Variants in MTR observed in about 807,000 individuals in gnomAD.
MTR encodes the protein 5-methyltetrahydrofolate-homocysteine methyltransferase, also known as methionine synthase.
In MTR, 84 loss-of-function variants were observed where a neutral mutation model predicts 154.8. The ratio of observed to expected loss-of-function variants is 0.54; its 90% CI spans 0.45 to 0.65. MTR has a LOEUF of 0.65. Ranked by LOEUF, MTR falls within the 30% of genes least tolerant of loss-of-function variation. The pLI, the probability that MTR is intolerant of heterozygous loss-of-function variation, is 0.00. For missense variants in MTR, 1,275 were observed against 1,570.2 expected (o/e 0.81, Z 3.18); for synonymous variants, 554 against 553.9 (o/e 1.00, Z 0.00).
Position 236,819,160 on chromosome 1 carries a change from A to G in MTR, c.764+2617A>G, listed in dbSNP as rs547835897. ...TTAGGGTTCATTCTTGGTTTTGTAT[A>G]TTCTGTGGGTTTTGACAAATATATC... On this transcript the variant is annotated intron_variant, in intron 8 of 32. Transcript: ENST00000366577. Among the ~76,000 whole-genome samples, 11 of 152,284 alleles carry G rather than the reference A, an allele frequency of 7.2e-5. No individual in the cohort carries two copies. The East Asian group carries it at 2.1e-3, about 29-fold the overall frequency.
At chr1:236,880,116 G>A (rs1665644828) in intron 24 of MTR, among the ~76,000 whole-genome samples, 1 of 152,168 alleles carries the variant, frequency 6.6e-6, no homozygotes, top group Non-Finnish European at 1.5e-5. Context: ...AGCCGAGATT[G>A]CACCACTGCA....
Position 236,897,835 on chromosome 1 carries a change from C to A in MTR, c.*191C>A, listed in dbSNP as rs559789717. On this transcript the variant is annotated 3_prime_UTR_variant, in exon 33 of 33. Coordinates refer to ENST00000366577, the MANE Select transcript of MTR (RefSeq NM_000254.3). ...CTTCCTGCAGTGCCTGGAAAACAGG[C>A]GCTGTTTTTTTGGGACCTTGCGTGA... The A allele has an allele frequency of 3.3e-6, 2 of 612,590 alleles. No homozygotes were observed. The highest frequency in any genetic ancestry group is 1.9e-5 in the African/African-American group (1 of 53,972). 37.9% of individuals were successfully genotyped at this position (612,590 alleles called of 1,614,324 possible).
intron 24 of MTR, among the ~76,000 whole-genome samples, chr1:236,875,756 T>C (rs1445096958): frequency 6.6e-6 from 1 of 152,232 alleles, no homozygotes; most frequent in Non-Finnish European, 1.5e-5. Flanking sequence ...GTGTTCCTTT[T>C]GCACTACAAA....
At chr1:236,848,996 A>G (rs1186741394) in intron 15 of MTR, among the ~76,000 whole-genome samples, 1 of 152,186 alleles carries the variant, frequency 6.6e-6, no homozygotes, top group Admixed American at 6.5e-5. Context: ...CCATTTTTCA[A>G]GAACATTTTT....
rs1194121554 is a variant in MTR, at chr1:236,888,190, TC to T, written c.2852-988del. Among the ~76,000 whole-genome samples the T allele has an allele frequency of 1.2e-4, 18 of 152,266 alleles. No homozygotes were observed. In the East Asian group the frequency reaches 3.3e-3, roughly 28 times the overall value. ...CCCTGAGATTGGTAGAATAGGAAGT[TC>T]CCTGATCCCTGGTTACAAATCAGGA... On this transcript the variant is annotated intron_variant, in intron 27 of 32. Transcript: ENST00000366577.
rs1327197902 is a variant in MTR, at chr1:236,803,633, A to G, written c.240A>G (p.Gln80=). 6.2e-7 allele frequency: 1 copy of G among 1,613,674 alleles called. No homozygotes were observed. The highest frequency in any genetic ancestry group is 8.5e-7 in the Non-Finnish European group (1 of 1,179,624). ...LSITQPDVIY[Q]IHKEYLLAGA... The stretch of plus-strand genomic sequence containing the variant: ...TAACTCAGCCTGATGTCATTTACCA[A>G]ATCCATAAGGTAAAGTATTCCCAGG... The change falls in exon 2 of 33, where the codon CAA becomes CAG. Residue 80 remains glutamine, a synonymous_variant. Coordinates refer to ENST00000366577, the MANE Select transcript of MTR (RefSeq NM_000254.3).
At chr1:236,843,439 G>A (rs773676943) in intron 15 of MTR, among the ~76,000 whole-genome samples, 1 of 152,176 alleles carries the variant, frequency 6.6e-6, no homozygotes, top group Non-Finnish European at 1.5e-5. Flanking sequence ...ATAGGGCCTT[G>A]GAGGCCATTC....
chr1:236,897,310 G>GCGCGCGCGCGCGCGCGCGCACACACACA lies in MTR; in HGVS notation c.3711+193_3711+194insGCGCGCGCGCGCGCGCGCACACACACAC. Among the ~76,000 whole-genome samples the GCGCGCGCGCGCGCGCGCGCACACACACA allele has an allele frequency of 2.0e-3, 262 of 128,602 alleles. 1 individual carries two copies. Among genetic ancestry groups the GCGCGCGCGCGCGCGCGCGCACACACACA allele is most frequent in the Non-Finnish European group, 3.1e-3 (179 of 58,102 alleles). 84.4% of individuals were successfully genotyped at this position (128,602 alleles called of 152,430 possible). ...ACTTCTACATGCAAGCCACACACAC[G>GCGCGCGCGCGCGCGCGCGCACACACACA]CACACACACACACACACACACACAC... On this transcript the variant is annotated intron_variant, in intron 32 of 32. Transcript: ENST00000366577.
At chr1:236,836,159 T>C (rs755737982) in intron 14 of MTR, among the ~76,000 whole-genome samples, 1 of 152,184 alleles carries the variant, frequency 6.6e-6, no homozygotes, top group African/African-American at 2.4e-5. Context: ...AAGGTGAAAA[T>C]TGATTTTCGT....
rs975336983 is a variant in MTR, at chr1:236,898,782, T to C, written c.*1138T>C. On this transcript the variant is annotated 3_prime_UTR_variant, in exon 33 of 33. Coordinates refer to ENST00000366577, the MANE Select transcript of MTR (RefSeq NM_000254.3). ...CTGGGCTCTGATATCCCGTGCGGAGTTGGACAAGTGGGCAGCATAAAGTCA... is the reference window on the plus strand; with the variant it reads ...CTGGGCTCTGATATCCCGTGCGGAGCTGGACAAGTGGGCAGCATAAAGTCA... The C allele has an allele frequency of 6.6e-6, 1 of 151,972 alleles. No individual in the cohort carries two copies. Among genetic ancestry groups the C allele is most frequent in the South Asian group, 2.1e-4 (1 of 4,800 alleles). The allele number at this position is 151,972 out of a possible 1,614,324, so 9.4% of individuals were successfully genotyped here. A position where few individuals can be genotyped will look rare whatever the true frequency, so the allele number is the denominator to read the frequency against.
chr1:236,821,726 G>C (rs1469750662), intron 8 of MTR, among the ~76,000 whole-genome samples: 1 of 152,116 alleles, frequency 6.6e-6, no homozygotes, highest in Non-Finnish European at 1.5e-5. Flanking sequence ...TCCATTTTGA[G>C]TTAGTTTTTG....
intron 24 of MTR, among the ~76,000 whole-genome samples, chr1:236,877,696 T>G (rs1017460175): frequency 5.3e-5 from 8 of 152,250 alleles, no homozygotes; most frequent in East Asian, 1.9e-4. Flanking sequence ...AATGCTGCTA[T>G]GAACACTTAT....
chr1:236,817,868 G>A (rs1220140686), intron 8 of MTR, among the ~76,000 whole-genome samples: 1 of 152,186 alleles, frequency 6.6e-6, no homozygotes, highest in Non-Finnish European at 1.5e-5. Context: ...GAACTGGGTT[G>A]TGATGACCTC....
chr1:236,878,509 G>A (rs1665555142), intron 24 of MTR, among the ~76,000 whole-genome samples: 2 of 152,066 alleles, frequency 1.3e-5, no homozygotes, highest in South Asian at 4.2e-4. Flanking sequence ...GGTTAAGGCT[G>A]TCTAGTGCAG....
intron 28 of MTR, 70 bp from the exon 29 acceptor site, chr1:236,891,063 T>C: frequency 1.3e-6 from 2 of 1,550,518 alleles, no homozygotes; most frequent in Non-Finnish European, 1.8e-6. Context: ...GTAATGGCTT[T>C]TAAAAGAAGC....
intron 2 of MTR, 111 bp from the exon 3 acceptor site, chr1:236,806,033 T>G (rs1660964870): frequency 2.2e-6 from 2 of 898,622 alleles, no homozygotes; most frequent in Non-Finnish European, 3.6e-6. Context: ...TTACTCTTAG[T>G]AAATGGTCAA....
intron 26 of MTR, 85 bp from the exon 27 acceptor site, chr1:236,886,207 A>G (rs1035127927): frequency 9.3e-7 from 1 of 1,075,268 alleles, no homozygotes; most frequent in Non-Finnish European, 1.4e-6. Flanking sequence ...TGCAAAGCTT[A>G]CATACTGGCC....
intron 19 of MTR, among the ~76,000 whole-genome samples, chr1:236,860,858 T>C (rs557890044): frequency 2.3e-4 from 35 of 152,302 alleles, no homozygotes; most frequent in African/African-American, 5.8e-4. Flanking sequence ...TTTACTTTGT[T>C]TGTATCAATA....
intron 5 of MTR, among the ~76,000 whole-genome samples, chr1:236,810,909 G>A (rs1340772695): frequency 6.6e-6 from 1 of 152,176 alleles, no homozygotes; most frequent in Non-Finnish European, 1.5e-5. Context: ...TTGGATACTA[G>A]GTTTGTGGTC....
Sources: gnomAD v4.1 joint callset for allele counts (sites outside exome capture counted in the v4.1 genomes callset) on GRCh38, gnomAD v4.1.1 for gene constraint, MANE v1.5 for transcripts, NCBI Gene and HGNC (gene_info 2026-07-23, HGNC 2026-07-21) for gene names.